ZMYND8: variants seen among roughly 807,000 people sequenced by gnomAD.
The protein encoded by ZMYND8 is MYND-type zinc finger-containing chromatin reader ZMYND8.
A neutral mutation model predicts 140.8 loss-of-function variants in ZMYND8; 37 were observed. The observed-to-expected ratio is 0.26, with a 90% CI of 0.20 to 0.35. ZMYND8 has a LOEUF of 0.35. Ranked by LOEUF, ZMYND8 falls within the 10% of genes least tolerant of loss-of-function variation. ZMYND8 has a pLI of 1.00. For missense variants in ZMYND8, 1,068 were observed against 1,570.0 expected, an observed-to-expected ratio of 0.68 and a Z score of 5.40; for synonymous variants, 592 against 597.1, an observed-to-expected ratio of 0.99 and a Z score of 0.12.
intron 12 of ZMYND8, among the ~76,000 whole-genome samples, chr20:47,249,881 C>A (rs953808518): frequency 1.3e-5 from 2 of 152,138 alleles, no homozygotes; most frequent in Admixed American, 6.5e-5. Flanking sequence ...AAGATGGCGA[C>A]CCCCTCGAAA....
chr20:47,221,225 G>A (rs759347156), intron 20 of ZMYND8, 89 bp downstream of exon 20: 41 of 1,526,034 alleles, frequency 2.7e-5, no homozygotes, highest in East Asian at 4.5e-5. Flanking sequence ...CCCACAACAC[G>A]GAACTTTCAG....
At chr20:47,267,519 T>G (rs1272640136) in intron 11 of ZMYND8, among the ~76,000 whole-genome samples, 1 of 151,294 alleles carries the variant, frequency 6.6e-6, no homozygotes, top group Admixed American at 6.6e-5. Context: ...ATTAAAAGAC[T>G]GGGCAACACT....
chr20:47,260,955 C>T (rs6063090), intron 12 of ZMYND8, among the ~76,000 whole-genome samples: 1 of 152,212 alleles, frequency 6.6e-6, no homozygotes, highest in South Asian at 2.1e-4. Flanking sequence ...GGCACAGTGG[C>T]TCATGCCTGT....
At chr20:47,277,274 A>G (rs2076311777) in intron 10 of ZMYND8, among the ~76,000 whole-genome samples, 1 of 152,280 alleles carries the variant, frequency 6.6e-6, no homozygotes, top group Non-Finnish European at 1.5e-5. Context: ...CACACAGAAA[A>G]TCACTGAAAA....
At chr20:47,344,235 C>T (rs2082155341) in intron 2 of ZMYND8, among the ~76,000 whole-genome samples, 2 of 152,076 alleles carry the variant, frequency 1.3e-5, no homozygotes, top group Admixed American at 6.6e-5. Flanking sequence ...ACCTTGGCCT[C>T]CCAAAGTGCT....
intron 19 of ZMYND8, among the ~76,000 whole-genome samples, chr20:47,223,748 C>T (rs1346132279): frequency 6.6e-6 from 1 of 150,718 alleles, no homozygotes; most frequent in Non-Finnish European, 1.5e-5. Context: ...ATCGCTTGAA[C>T]CCGGAAGGCA....
At chr20:47,303,098 A>G (rs2078194864) in intron 3 of ZMYND8, among the ~76,000 whole-genome samples, 1 of 152,086 alleles carries the variant, frequency 6.6e-6, no homozygotes, top group Non-Finnish European at 1.5e-5. Flanking sequence ...CTAGCTGAGA[A>G]CCACTAATGT....
At chr20:47,343,652 T>C (rs1384780197) in intron 2 of ZMYND8, among the ~76,000 whole-genome samples, 2 of 151,966 alleles carry the variant, frequency 1.3e-5, no homozygotes, top group African/African-American at 2.4e-5. Context: ...GCTGGGATTA[T>C]AGGCATACAA....
At chr20:47,316,541 C>T (rs1180284186) in intron 2 of ZMYND8, among the ~76,000 whole-genome samples, 1 of 151,834 alleles carries the variant, frequency 6.6e-6, no homozygotes, top group Non-Finnish European at 1.5e-5. Flanking sequence ...ACCCATAATC[C>T]CAGCACTTTG....
chr20:47,211,906 T>C (rs2035320222), intron 22 of ZMYND8, among the ~76,000 whole-genome samples: 1 of 152,050 alleles, frequency 6.6e-6, no homozygotes, highest in African/African-American at 2.4e-5. Flanking sequence ...AGATAAGCAG[T>C]GAAGAGAATG....
At chr20:47,285,723 G>C in intron 8 of ZMYND8, 2 of 985,174 alleles carry the variant, frequency 2.0e-6, no homozygotes, top group Non-Finnish European at 2.4e-6. Context: ...TGATAAAACT[G>C]GGTACTATTT....
At chr20:47,212,608 C>G (rs1317318056) in intron 22 of ZMYND8, 34 bp downstream of exon 22, 3 of 1,610,854 alleles carry the variant, frequency 1.9e-6, no homozygotes, top group Non-Finnish European at 1.7e-6. Context: ...AGGAAGAAGC[C>G]CCGGCAGCTT....
At chr20:47,282,300 C>T in intron 9 of ZMYND8, 83 bp from the exon 10 acceptor site, 1 of 1,221,000 alleles carries the variant, frequency 8.2e-7, no homozygotes. Context: ...GAGGATGAAG[C>T]AGGACTGTGG....
At chr20:47,313,275 A>G (rs1373611148) in intron 2 of ZMYND8, among the ~76,000 whole-genome samples, 4 of 151,972 alleles carry the variant, frequency 2.6e-5, no homozygotes, top group African/African-American at 9.7e-5. Context: ...CTTTAAAAAG[A>G]TCTAAAAACA....
rs2077790420 is a variant in ZMYND8 at position 47,298,483 on chromosome 20, T to C, written c.453+246A>G. On this transcript the variant is annotated intron_variant, in intron 4 of 22. Transcript: ENST00000471951. This position sits in a 1 kb window ranked among gnomAD's most constrained non-coding sequence, Gnocchi z 5.0. ...GATGCAGAGATGACGACTACAGATC[T>C]CCAAGGAATCCAAGGACTCATGAGA... is the stretch of plus-strand genomic sequence containing the variant. 2.0e-6 allele frequency: 2 copies of C among 985,290 alleles called. No individual in the cohort carries two copies. The allele number at this position is 985,290 out of a possible 1,614,324, so 61.0% of individuals were successfully genotyped here.
intron 12 of ZMYND8, 73 bp downstream of exon 12, chr20:47,262,215 C>T (rs1443386556): frequency 1.9e-6 from 3 of 1,603,642 alleles, no homozygotes; most frequent in African/African-American, 1.3e-5. Context: ...GAACCACATA[C>T]ACAAGAGGAT....
intron 2 of ZMYND8, among the ~76,000 whole-genome samples, chr20:47,341,144 G>T (rs983969034): frequency 6.6e-6 from 1 of 152,182 alleles, no homozygotes; most frequent in Non-Finnish European, 1.5e-5. Flanking sequence ...AAGGTCAAAC[G>T]AGAGAATGAA....
chr20:47,229,601 G>C (rs1601024823), intron 17 of ZMYND8, 125 bp downstream of exon 17: 1 of 816,732 alleles, frequency 1.2e-6, no homozygotes. Context: ...ACAATCAGTA[G>C]AGCCAGCTTA....
chr20:47,314,278 C>T (rs1037412703), intron 2 of ZMYND8, among the ~76,000 whole-genome samples: 2 of 152,104 alleles, frequency 1.3e-5, no homozygotes, highest in African/African-American at 4.8e-5. Flanking sequence ...GTTAGCAGAT[C>T]GCTTGAGGTC....
Sources: allele counts gnomAD v4.1 joint callset (sites outside exome capture counted in the v4.1 genomes callset), GRCh38; gene constraint gnomAD v4.1.1; non-coding constraint Gnocchi (gnomAD v3.1); transcripts MANE v1.5; gene names NCBI Gene and HGNC (gene_info 2026-07-23, HGNC 2026-07-21).